ARL13B: variants seen among roughly 807,000 people sequenced by gnomAD.
ARL13B encodes the protein ADP-ribosylation factor-like protein 13B.
In ARL13B, 36 loss-of-function variants were observed where a neutral mutation model predicts 56.1. That is an observed-to-expected ratio of 0.64 (90% CI 0.49 to 0.85). The LOEUF is 0.85. ARL13B is among the 40% of genes least tolerant of loss of function. ARL13B has a pLI of 0.00. For missense variants in ARL13B, 519 were observed against 507.1 expected (o/e 1.02, Z -0.23); for synonymous variants, 178 against 171.1 (o/e 1.04, Z -0.32).
intron 1 of ARL13B, among the ~76,000 whole-genome samples, chr3:93,986,107 AT>A (rs2107330111): frequency 6.6e-6 from 1 of 152,272 alleles, no homozygotes; most frequent in African/African-American, 2.4e-5. Flanking sequence ...GAACTGGAAT[AT>A]TTTACATCTC....
chr3:94,015,226 A>G lies in ARL13B; in HGVS notation c.380+11318A>G, dbSNP rs758588020. On this transcript the variant is annotated intron_variant, in intron 3 of 9. Coordinates refer to ENST00000394222, the MANE Select transcript of ARL13B (RefSeq NM_001174150.2). The stretch of plus-strand genomic sequence containing the variant: ...TACATGACTGTCTCTAGAGAGTTCA[A>G]TTTCCTTTGTTCTCTGCTTTAGTTC... 1.4e-5 allele frequency: 23 copies of G among 1,588,720 alleles called. No individual in the cohort carries two copies. The highest frequency in any genetic ancestry group is 8.2e-5 in the South Asian group (7 of 85,506).
chr3:93,989,037 T>C, intron 1 of ARL13B: 1 of 250,036 alleles, frequency 4.0e-6, no homozygotes, highest in Non-Finnish European at 7.8e-6. Context: ...CTGGCACTCC[T>C]CCCGCTGCCC....
At chr3:94,029,766 A>G (rs192542762) in intron 3 of ARL13B, among the ~76,000 whole-genome samples, 3 of 152,202 alleles carry the variant, frequency 2.0e-5, no homozygotes, top group African/African-American at 7.2e-5. Flanking sequence ...AACACTGGAA[A>G]CACAAAAGTC....
chr3:94,001,532 C>T (rs150171500), intron 2 of ARL13B, among the ~76,000 whole-genome samples: 1 of 152,138 alleles, frequency 6.6e-6, no homozygotes, highest in Non-Finnish European at 1.5e-5. Context: ...TAACTTGCCC[C>T]TCCCTTTTTC....
chr3:93,998,364 A>G (rs1199670757), intron 2 of ARL13B, among the ~76,000 whole-genome samples: 2 of 152,094 alleles, frequency 1.3e-5, no homozygotes. Flanking sequence ...CCATATATTC[A>G]TAAGTTCCTT....
At chr3:93,997,602 G>A (rs1271743469) in intron 2 of ARL13B, among the ~76,000 whole-genome samples, 1 of 152,164 alleles carries the variant, frequency 6.6e-6, no homozygotes, top group Non-Finnish European at 1.5e-5. Flanking sequence ...GTAAAGAGCT[G>A]AGTAGTAAAT....
intron 1 of ARL13B, among the ~76,000 whole-genome samples, chr3:93,980,721 TAAA>T (rs1192777328): frequency 6.9e-6 from 1 of 145,158 alleles, no homozygotes; most frequent in Non-Finnish European, 1.5e-5. Flanking sequence ...TTGAATTTGT[TAAA>T]AAGTGTGTGT....
At chr3:93,994,717 A>G (rs1464746095) in intron 1 of ARL13B, among the ~76,000 whole-genome samples, 1 of 151,936 alleles carries the variant, frequency 6.6e-6, no homozygotes, top group African/African-American at 2.4e-5. Context: ...GTTCTTTCCC[A>G]GCTTGTGACC....
At chr3:94,020,987 C>A (rs1212366151) in intron 3 of ARL13B, among the ~76,000 whole-genome samples, 1 of 151,888 alleles carries the variant, frequency 6.6e-6, no homozygotes, top group Non-Finnish European at 1.5e-5. Flanking sequence ...GGAACAGTTT[C>A]TCTACCTTCA....
At chr3:94,036,779 A>G (rs558006099) in intron 5 of ARL13B, 25 bp downstream of exon 5, 1 of 1,590,622 alleles carries the variant, frequency 6.3e-7, no homozygotes, top group East Asian at 2.3e-5. Context: ...TTTGTACCAC[A>G]GTGCATTTGA....
chr3:94,038,883 A>G (rs2076815367), intron 5 of ARL13B, among the ~76,000 whole-genome samples: 1 of 152,160 alleles, frequency 6.6e-6, no homozygotes, highest in Admixed American at 6.5e-5. Flanking sequence ...AATCACAGAG[A>G]TAGTAAATGT....
intron 3 of ARL13B, among the ~76,000 whole-genome samples, chr3:94,013,275 C>T (rs2076257327): frequency 6.6e-6 from 1 of 152,160 alleles, no homozygotes; most frequent in Non-Finnish European, 1.5e-5. Flanking sequence ...TTTCATTGCC[C>T]TTTTAAGTCT....
chr3:93,981,463 A>G (rs1278580619), intron 1 of ARL13B, among the ~76,000 whole-genome samples: 2 of 152,216 alleles, frequency 1.3e-5, no homozygotes, highest in Non-Finnish European at 2.9e-5. Context: ...CTTACACATT[A>G]TAACAGAAAA....
At position 94,043,253 on chromosome 3, in the gene ARL13B, G is replaced by C; in HGVS notation, c.1024+13G>C. 6.3e-7 allele frequency: 1 copy of C among 1,595,462 alleles called. No homozygotes were observed. Among genetic ancestry groups the C allele is most frequent in the East Asian group, 2.2e-5 (1 of 44,648 alleles). ...TCATTGGAATCAGGTAATAAATCTAGTTATTTAAAGTAATTATCTTATGTA... is the reference window on the plus strand; with the variant it reads ...TCATTGGAATCAGGTAATAAATCTACTTATTTAAAGTAATTATCTTATGTA... On this transcript the variant is annotated intron_variant, in intron 7 of 9. Coordinates refer to ENST00000394222, the MANE Select transcript of ARL13B (RefSeq NM_001174150.2).
rs1328168383 is a variant in ARL13B, at chr3:93,981,477, A to G, written c.59+995A>G. Among the ~76,000 whole-genome samples, 6 of 152,200 alleles carry G rather than the reference A, an allele frequency of 3.9e-5. No individual in the cohort carries two copies. In the South Asian group the frequency reaches 6.2e-4, roughly 16 times the overall value. On this transcript the variant is annotated intron_variant, in intron 1 of 9. Transcript: ENST00000394222. ...ACTTACACATTATAACAGAAAATAC[A>G]TGTCTAGATTGGAAAAAAAGTAACT...
intron 3 of ARL13B, among the ~76,000 whole-genome samples, chr3:94,024,635 G>A (rs886596447): frequency 6.6e-6 from 1 of 152,184 alleles, no homozygotes; most frequent in African/African-American, 2.4e-5. Flanking sequence ...ACCCAGGCTA[G>A]AGTATAGTGG....
At chr3:94,041,877 G>A (rs898634540) in intron 6 of ARL13B, among the ~76,000 whole-genome samples, 2 of 152,046 alleles carry the variant, frequency 1.3e-5, no homozygotes, top group Admixed American at 6.5e-5. Flanking sequence ...TGGCCAAGAC[G>A]GTGAAACCCT....
At chr3:93,996,572 C>T in intron 2 of ARL13B, 1 of 343,642 alleles carries the variant, frequency 2.9e-6, no homozygotes, top group African/African-American at 2.2e-5. Flanking sequence ...GAGATGGGGT[C>T]TCCCTATGTT....
chr3:94,052,651 G>A (rs1409804007), intron 9 of ARL13B, among the ~76,000 whole-genome samples: 1 of 152,156 alleles, frequency 6.6e-6, no homozygotes, highest in Non-Finnish European at 1.5e-5. Flanking sequence ...CTTAGGGCCA[G>A]ATTGTGAAGG....
Sources: allele counts gnomAD v4.1 joint callset (sites outside exome capture counted in the v4.1 genomes callset), GRCh38; gene constraint gnomAD v4.1.1; transcripts MANE v1.5; gene names NCBI Gene and HGNC (gene_info 2026-07-23, HGNC 2026-07-21).